The following ZNF257 variants were observed in gnomAD, a reference collection of about 807,000 sequenced individuals.
ZNF257 encodes the protein bone marrow zinc finger 4.
ZNF257 carries 12 observed loss-of-function variants against 11.9 expected under a neutral mutation model. The ratio of observed to expected loss-of-function variants is 1.01; its 90% confidence interval spans 0.65 to 1.63. The LOEUF (loss-of-function observed/expected upper bound fraction) is 1.63. Among genes scored for constraint, ZNF257 ranks in the 40% most tolerant of loss-of-function variants. The pLI is 0.00. For synonymous variants in ZNF257, 183 were observed against 222.7 expected, an observed-to-expected ratio of 0.82 and a Z score of 1.59; for missense variants, 580 against 665.5, an observed-to-expected ratio of 0.87 and a Z score of 1.41.
intron 1 of ZNF257, among the ~76,000 whole-genome samples, chr19:22,061,106 C>CTT (rs60375287): frequency 2.0e-4 from 29 of 146,448 alleles, no homozygotes; most frequent in African/African-American, 4.0e-4. Context: ...TATTTGGGCT[C>CTT]TTTTTTTTTT....
chr19:22,071,298 T>A (rs985237500), intron 1 of ZNF257, among the ~76,000 whole-genome samples: 3 of 152,128 alleles, frequency 2.0e-5, no homozygotes, highest in African/African-American at 7.2e-5. Context: ...GAATCTCTAC[T>A]AGTATAAAGG....
intron 1 of ZNF257, among the ~76,000 whole-genome samples, chr19:22,069,806 G>C (rs1028124916): frequency 4.0e-5 from 6 of 151,320 alleles, no homozygotes; most frequent in African/African-American, 1.5e-4. Flanking sequence ...TATATATTAG[G>C]AAATTGACAG....
intron 1 of ZNF257, among the ~76,000 whole-genome samples, chr19:22,057,633 A>T (rs1282728083): frequency 6.6e-6 from 1 of 152,248 alleles, no homozygotes; most frequent in Non-Finnish European, 1.5e-5. Context: ...TTGCAACAGG[A>T]GGAAGCACTA....
At chr19:22,054,353 AG>A (rs2021568604) in intron 1 of ZNF257, among the ~76,000 whole-genome samples, 1 of 152,164 alleles carries the variant, frequency 6.6e-6, no homozygotes, top group South Asian at 2.1e-4. Flanking sequence ...TACAGGAGTG[AG>A]CCGCGTCCGG....
chr19:22,087,504 A>G (rs2022500932), intron 3 of ZNF257: 2 of 1,168,746 alleles, frequency 1.7e-6, no homozygotes, highest in Non-Finnish European at 2.1e-6. Context: ...TCAAATTGTC[A>G]TTCTAAAGTA....
chr19:22,080,962 C>T (rs1159408608), intron 3 of ZNF257, among the ~76,000 whole-genome samples: 1 of 151,068 alleles, frequency 6.6e-6, no homozygotes. Context: ...ACTGCAACCT[C>T]CATCTCCCAG....
intron 3 of ZNF257, chr19:22,087,629 G>C (rs2022503629): frequency 8.4e-7 from 1 of 1,185,178 alleles, no homozygotes; most frequent in African/African-American, 1.6e-5. Context: ...CTTTTAAATA[G>C]AAACAAGGAG....
intron 1 of ZNF257, among the ~76,000 whole-genome samples, chr19:22,059,391 G>T (rs946101072): frequency 6.6e-6 from 1 of 151,998 alleles, no homozygotes; most frequent in African/African-American, 2.4e-5. Flanking sequence ...ATGGTAACAT[G>T]TATTTATTTA....
At chr19:22,085,641 G>A (rs28600030) in intron 3 of ZNF257, among the ~76,000 whole-genome samples, 35,771 of 151,212 alleles carry the variant, frequency 0.24, 5,706 homozygotes, top group African/African-American at 0.46. Context: ...AATTATGTCA[G>A]TATTTACCTT....
rs1383263679 is a variant in ZNF257 at position 22,052,589 on chromosome 19, G to C, written c.-44G>C. ...GTGGCCCTGTGACCTGCAGGTATTG[G>C]GAGATCCCCAGCTAAGACGCCAGGT... On this transcript the variant is annotated 5_prime_UTR_variant, in exon 1 of 4. Coordinates refer to ENST00000594947, the MANE Select transcript of ZNF257 (RefSeq NM_033468.4). 6.2e-7 allele frequency: 1 copy of C among 1,601,920 alleles called. No homozygotes were observed. The highest frequency in any genetic ancestry group is 8.5e-7 in the Non-Finnish European group (1 of 1,172,508).
chr19:22,056,477 A>ATTTTT (rs1470428510), intron 1 of ZNF257, among the ~76,000 whole-genome samples: 1 of 90,642 alleles, frequency 1.1e-5, no homozygotes, highest in African/African-American at 5.9e-5. Flanking sequence ...TGAATTTAGA[A>ATTTTT]ATTTTTTTTT....
At chr19:22,076,942 C>A (rs1172182944) in intron 3 of ZNF257, among the ~76,000 whole-genome samples, 1 of 152,138 alleles carries the variant, frequency 6.6e-6, no homozygotes, top group African/African-American at 2.4e-5. Context: ...CCTGCCTTGG[C>A]CTCCCAATAT....
intron 3 of ZNF257, among the ~76,000 whole-genome samples, chr19:22,081,065 G>T (rs2022347028): frequency 6.6e-6 from 1 of 151,662 alleles, no homozygotes; most frequent in Non-Finnish European, 1.5e-5. Context: ...TTTTAGTAGA[G>T]TCGGGGTTTC....
intron 1 of ZNF257, among the ~76,000 whole-genome samples, chr19:22,070,501 C>T (rs1416861706): frequency 1.3e-5 from 2 of 152,110 alleles, no homozygotes; most frequent in African/African-American, 2.4e-5. Flanking sequence ...TCCTCTTGAG[C>T]ACATAGAGCA....
chr19:22,054,145 T>C (rs1442574598), intron 1 of ZNF257, among the ~76,000 whole-genome samples: 4 of 151,322 alleles, frequency 2.6e-5, no homozygotes, highest in African/African-American at 9.7e-5. Flanking sequence ...AGATTTCTGC[T>C]CATTGCAACC....
chr19:22,061,445 G>A (rs777135412), intron 1 of ZNF257, among the ~76,000 whole-genome samples: 21 of 152,254 alleles, frequency 1.4e-4, no homozygotes, highest in Non-Finnish European at 2.1e-4. Flanking sequence ...CTCAGATATT[G>A]TTGATGTACA....
chr19:22,078,072 T>C lies in ZNF257; in HGVS notation c.226+4508T>C, dbSNP rs200897214. Among the ~76,000 whole-genome samples the C allele has an allele frequency of 6.2e-4, 91 of 147,274 alleles. 1 individual carries two copies. In the East Asian group the frequency reaches 0.012, roughly 20 times the overall value. ...GGCCAATATGGTGAAACCCCGTCTC[T>C]ACTAAAAAAAAAAAAATTAGCTGGG... On this transcript the variant is annotated intron_variant, in intron 3 of 3. Transcript: ENST00000594947.
intron 1 of ZNF257, among the ~76,000 whole-genome samples, chr19:22,057,928 T>A (rs2021686692): frequency 6.6e-6 from 1 of 152,140 alleles, no homozygotes; most frequent in Admixed American, 6.5e-5. Context: ...TCTGGCTAAA[T>A]TTTTTGTATT....
At position 22,072,697 on chromosome 19, in the gene ZNF257, A is replaced by G. The variant is rs114737094; in HGVS notation, c.4-112A>G. 4,771 of 1,332,782 alleles carry G rather than the reference A, an allele frequency of 3.6e-3. 130 individuals are homozygous for G. The African/African-American group carries it at 0.061, about 17-fold the overall frequency. 82.6% of individuals were successfully genotyped at this position (1,332,782 alleles called of 1,614,324 possible). ...TTCTTGGATAATTTTGGTCACTCCA[A>G]TAAGGCAGAACCTGTTCTCTCTGCT... On this transcript the variant is annotated intron_variant, in intron 1 of 3. Transcript: ENST00000594947.
Sources: gnomAD v4.1 joint callset for allele counts (sites outside exome capture counted in the v4.1 genomes callset) on GRCh38, gnomAD v4.1.1 for gene constraint, MANE v1.5 for transcripts, NCBI Gene and HGNC (gene_info 2026-07-23, HGNC 2026-07-21) for gene names.